ODF4: variants seen among roughly 807,000 people sequenced by gnomAD.
ODF4 encodes the protein outer dense fiber of sperm tails 4, also known as outer dense fiber protein 4.
In ODF4, 11 loss-of-function variants were observed where a neutral mutation model predicts 17.0. That is an observed-to-expected ratio of 0.65 (90% CI 0.41 to 1.07). ODF4 has a LOEUF of 1.07. Ranked by LOEUF, ODF4 falls within the 50% of genes least tolerant of loss-of-function variation. ODF4 has a pLI of 0.00. For synonymous variants in ODF4, 127 were observed against 121.8 expected (o/e 1.04, Z -0.28); for missense variants, 281 against 310.2 (o/e 0.91, Z 0.71).
chr17:8,343,069 C>T (rs1016632572), intron 1 of ODF4, among the ~76,000 whole-genome samples: 1 of 151,926 alleles, frequency 6.6e-6, no homozygotes, highest in Non-Finnish European at 1.5e-5. Context: ...CACACAATAA[C>T]ACAATGTATG....
At chr17:8,342,234 G>T (rs1435037472) in intron 1 of ODF4, among the ~76,000 whole-genome samples, 2 of 143,996 alleles carry the variant, frequency 1.4e-5, no homozygotes, top group Non-Finnish European at 3.0e-5. Flanking sequence ...AGACAGCCAG[G>T]CTTTTTATTT....
intron 1 of ODF4, among the ~76,000 whole-genome samples, chr17:8,341,351 C>T (rs1906008894): frequency 6.6e-6 from 1 of 152,134 alleles, no homozygotes; most frequent in Admixed American, 6.6e-5. Flanking sequence ...CCTCTCAGGC[C>T]CTGATCCCAC....
rs1905936970 is a variant in ODF4 at position 8,339,977 on chromosome 17, A to C, written c.-75A>C. 2 of 988,346 alleles carry C rather than the reference A, an allele frequency of 2.0e-6. No individual in the cohort carries two copies. Among genetic ancestry groups the C allele is most frequent in the Non-Finnish European group, 2.9e-6 (2 of 680,032 alleles). The allele number at this position is 988,346 out of a possible 1,614,324, so 61.2% of individuals were successfully genotyped here. On this transcript the variant is annotated 5_prime_UTR_variant, in exon 1 of 3. Transcript: ENST00000328248. ...AGGCTGCATGGTGGCAGCTGATGAA[A>C]ATATCCAAAAGATGAGAAGAGACAA...
At chr17:8,343,071 C>A (rs1241035486) in intron 1 of ODF4, among the ~76,000 whole-genome samples, 1 of 151,830 alleles carries the variant, frequency 6.6e-6, no homozygotes, top group Non-Finnish European at 1.5e-5. Flanking sequence ...CACAATAACA[C>A]AATGTATGGG....
chr17:8,345,511 G>T lies in ODF4; in HGVS notation c.589+34G>T. 2 of 1,610,240 alleles carry T rather than the reference G, an allele frequency of 1.2e-6. No homozygotes were observed. The highest frequency in any genetic ancestry group is 2.2e-5 in the East Asian group (1 of 44,878). On this transcript the variant is annotated intron_variant, in intron 2 of 2. Coordinates refer to ENST00000328248, the MANE Select transcript of ODF4 (RefSeq NM_153007.5). The surrounding 1 kb of genome is among the most constrained non-coding windows in gnomAD (Gnocchi z 4.1). The stretch of plus-strand genomic sequence containing the variant: ...CCAGAGGGCCCTGGGGGAAGGAAGC[G>T]ACATGGGTAGGGTAGGGCAGGGAAA...
In ODF4 at chr17:8,340,009, C is replaced by A; in HGVS notation, c.-43C>A. The A allele has an allele frequency of 7.9e-7, 1 of 1,270,412 alleles. No individual in the cohort carries two copies. The highest frequency in any genetic ancestry group is 1.1e-6 in the Non-Finnish European group (1 of 921,384). The allele number at this position is 1,270,412 out of a possible 1,614,324, so 78.7% of individuals were successfully genotyped here. On this transcript the variant is annotated 5_prime_UTR_variant, in exon 1 of 3. In the 5' UTR this introduces an upstream ATG that the reference lacks. Coordinates refer to ENST00000328248, the MANE Select transcript of ODF4 (RefSeq NM_153007.5). ...AAAAGATGAGAAGAGACAATTGAGT[C>A]TGGTGAGGGAAAGGGGAGACAGAGG...
In ODF4 at chr17:8,345,732, C is replaced by G. The variant is rs199979906; in HGVS notation, c.654C>G (p.Ala218=). The G allele has an allele frequency of 6.2e-7, 1 of 1,614,038 alleles. No homozygotes were observed. The highest frequency in any genetic ancestry group is 1.1e-5 in the South Asian group (1 of 91,074). ...WSLILSHPSG[A]VSCSSSFGSV... Reference sequence around the variant, plus strand: ...TGATTCTGAGCCACCCCAGTGGTGCCGTGTCCTGCAGCAGCAGTTTCGGCT... The same window carrying G: ...TGATTCTGAGCCACCCCAGTGGTGCGGTGTCCTGCAGCAGCAGTTTCGGCT... Residue 218 remains alanine (A), a synonymous_variant, in exon 3 of 3, where the codon GCC becomes GCG. Transcript: ENST00000328248. This position sits in a 1 kb window ranked among gnomAD's most constrained non-coding sequence, Gnocchi z 4.1.
At chr17:8,341,315 C>T (rs1357669902) in intron 1 of ODF4, among the ~76,000 whole-genome samples, 1 of 152,166 alleles carries the variant, frequency 6.6e-6, no homozygotes, top group Admixed American at 6.6e-5. Flanking sequence ...GTACCCAGAG[C>T]TTTGAGAGGA....
rs1057022103 is a variant in ODF4, at chr17:8,343,866, T to G, written c.455-1477T>G. 5.2e-5 allele frequency among the ~76,000 whole-genome samples: 6 copies of G among 115,114 alleles called. 3 individuals are homozygous for G. Among genetic ancestry groups the G allele is most frequent in the Non-Finnish European group, 1.1e-4 (6 of 56,466 alleles). The allele number at this position is 115,114 out of a possible 152,430, so 75.5% of individuals were successfully genotyped here. A position where few individuals can be genotyped will look rare whatever the true frequency, so the allele number is the denominator to read the frequency against. On this transcript the variant is annotated intron_variant, in intron 1 of 2. Coordinates refer to ENST00000328248, the MANE Select transcript of ODF4 (RefSeq NM_153007.5). ...TGTGTGTGTCTATATATATATAGAC[T>G]GCAACCTCAGCTTCCTGGGATCAAG...
At chr17:8,342,946 T>C (rs1906083959) in intron 1 of ODF4, among the ~76,000 whole-genome samples, 1 of 151,886 alleles carries the variant, frequency 6.6e-6, no homozygotes, top group African/African-American at 2.4e-5. Flanking sequence ...TTGCCCAGGC[T>C]GGTCTCCAAC....
chr17:8,345,053 G>A lies in ODF4; in HGVS notation c.455-290G>A, dbSNP rs1906178991. The A allele has an allele frequency of 5.5e-6, 6 of 1,095,330 alleles. No homozygotes were observed. Among genetic ancestry groups the A allele is most frequent in the East Asian group, 1.1e-4 (2 of 19,036 alleles). The allele number at this position is 1,095,330 out of a possible 1,614,324, so 67.9% of individuals were successfully genotyped here. ...TGAGCTTCTGTGAAGGTGCCTCCTA[G>A]CTCTGGAAAGGTCCTTTGTTTTCCT... On this transcript the variant is annotated intron_variant, in intron 1 of 2. Coordinates refer to ENST00000328248, the MANE Select transcript of ODF4 (RefSeq NM_153007.5). This position sits in a 1 kb window ranked among gnomAD's most constrained non-coding sequence, Gnocchi z 4.1.
At position 8,340,173 on chromosome 17, in the gene ODF4, A is replaced by C; in HGVS notation, c.122A>C (p.Gln41Pro). Residue 41 changes from glutamine (Q) to proline (P), a missense_variant, in exon 1 of 3, where the codon CAA (glutamine) becomes CCA (proline). Transcript: ENST00000328248. ...GGATGGGGCACAGGTGAGCTGGGAC[A>C]AGATGGGAGACTGCTGTCCTCCACC... ...EAGWGTGELG[Q>P]DGRLLSSTLS... The C allele has an allele frequency of 8.7e-6, 14 of 1,600,878 alleles. No homozygotes were observed. Among genetic ancestry groups the C allele is most frequent in the Non-Finnish European group, 1.1e-5 (13 of 1,172,548 alleles).
chr17:8,345,046 C>T lies in ODF4; in HGVS notation c.455-297C>T. ...ACCATCTTGAGCTTCTGTGAAGGTG[C>T]CTCCTAGCTCTGGAAAGGTCCTTTG... On this transcript the variant is annotated intron_variant, in intron 1 of 2. Transcript: ENST00000328248. This position sits in a 1 kb window ranked among gnomAD's most constrained non-coding sequence, Gnocchi z 4.1. 1 of 1,083,190 alleles carries T rather than the reference C, an allele frequency of 9.2e-7. No homozygotes were observed. 67.1% of individuals were successfully genotyped at this position (1,083,190 alleles called of 1,614,324 possible).
In ODF4 at chr17:8,345,268, T is replaced by C. The variant is rs1597477727; in HGVS notation, c.455-75T>C. 7.2e-7 allele frequency: 1 copy of C among 1,387,342 alleles called. No individual in the cohort carries two copies. Among genetic ancestry groups the C allele is most frequent in the East Asian group, 2.3e-5 (1 of 43,812 alleles). 85.9% of individuals were successfully genotyped at this position (1,387,342 alleles called of 1,614,324 possible). Reference sequence around the variant, plus strand: ...TGTGTGGTGATGTGGTTTGTGGCTGTAGCCTAGCAGATGAGGAAGAACCTC... The same window carrying C: ...TGTGTGGTGATGTGGTTTGTGGCTGCAGCCTAGCAGATGAGGAAGAACCTC... On this transcript the variant is annotated intron_variant, in intron 1 of 2. Transcript: ENST00000328248. The surrounding 1 kb of genome is among the most constrained non-coding windows in gnomAD (Gnocchi z 4.1).
At position 8,345,494 on chromosome 17, in the gene ODF4, C is replaced by T. The variant is rs1403420187; in HGVS notation, c.589+17C>T. ...TCACCTGCGGTGAGTGGCCAGAGGG[C>T]CCTGGGGGAAGGAAGCGACATGGGT... is the stretch of plus-strand genomic sequence containing the variant. On this transcript the variant is annotated intron_variant, in intron 2 of 2. Transcript: ENST00000328248. The surrounding 1 kb of genome is among the most constrained non-coding windows in gnomAD (Gnocchi z 4.1). 1.9e-6 allele frequency: 3 copies of T among 1,612,748 alleles called. No individual in the cohort carries two copies. Among genetic ancestry groups the T allele is most frequent in the Admixed American group, 3.3e-5 (2 of 59,870 alleles).
In ODF4 at chr17:8,345,201, A is replaced by T. The variant is rs1906185436; in HGVS notation, c.455-142A>T. 1 of 848,664 alleles carries T rather than the reference A, an allele frequency of 1.2e-6. No homozygotes were observed. The highest frequency in any genetic ancestry group is 2.5e-5 in the East Asian group (1 of 40,216). The allele number at this position is 848,664 out of a possible 1,614,324, so 52.6% of individuals were successfully genotyped here. A position where few individuals can be genotyped will look rare whatever the true frequency, so the allele number is the denominator to read the frequency against. On this transcript the variant is annotated intron_variant, in intron 1 of 2. Coordinates refer to ENST00000328248, the MANE Select transcript of ODF4 (RefSeq NM_153007.5). The surrounding 1 kb of genome is among the most constrained non-coding windows in gnomAD (Gnocchi z 4.1). Reference sequence around the variant, plus strand: ...TTTCTTGGTCACAGGAGAGGTAGAAATGCAGGGGTTGACTCCTGGAACCTC... The same window carrying T: ...TTTCTTGGTCACAGGAGAGGTAGAATTGCAGGGGTTGACTCCTGGAACCTC...
chr17:8,341,900 A>G (rs980694143), intron 1 of ODF4, among the ~76,000 whole-genome samples: 1 of 152,128 alleles, frequency 6.6e-6, no homozygotes, highest in Admixed American at 6.6e-5. Flanking sequence ...TCCTTATTAT[A>G]ATAAATTTGG....
rs1239638935 is a variant in ODF4 at position 8,340,085 on chromosome 17, A to C, written c.34A>C (p.Arg12=). Residue 12 remains arginine, a synonymous_variant, in exon 1 of 3, where the codon AGG becomes CGG. Transcript: ENST00000328248. ...DAEYSGNEFP[R]SEGERDQHQR... ...AGAGTACTCTGGGAATGAGTTCCCC[A>C]GGTCAGAAGGAGAAAGAGACCAACA... 3 of 1,527,698 alleles carry C rather than the reference A, an allele frequency of 2.0e-6. No individual in the cohort carries two copies. Among genetic ancestry groups the C allele is most frequent in the Non-Finnish European group, 2.6e-6 (3 of 1,140,140 alleles). 94.6% of individuals were successfully genotyped at this position (1,527,698 alleles called of 1,614,324 possible). A position where few individuals can be genotyped will look rare whatever the true frequency, so the allele number is the denominator to read the frequency against.
At chr17:8,340,598 G>A in intron 1 of ODF4, 93 bp downstream of exon 1, 1 of 738,078 alleles carries the variant, frequency 1.4e-6, no homozygotes, top group Non-Finnish European at 2.2e-6. Context: ...CCCTCTTTCT[G>A]GTCATCTTTA....
Sources: allele counts gnomAD v4.1 joint callset (sites outside exome capture counted in the v4.1 genomes callset), GRCh38; gene constraint gnomAD v4.1.1; non-coding constraint Gnocchi (gnomAD v3.1); transcripts MANE v1.5; gene names NCBI Gene and HGNC (gene_info 2026-07-23, HGNC 2026-07-21).